Variants in NEU4 observed in about 807,000 individuals in gnomAD.
NEU4 encodes the protein neuraminidase 4.
In NEU4, 7 loss-of-function variants were observed where a neutral mutation model predicts 9.9. The observed-to-expected ratio is 0.71, with a 90% CI of 0.40 to 1.33. The LOEUF is 1.33. Ranked by LOEUF, NEU4 falls within the 40% of genes most tolerant of loss-of-function variation. NEU4 has a pLI of 0.01. For missense variants in NEU4, 717 were observed against 712.6 expected, an observed-to-expected ratio of 1.01 and a Z score of -0.07; for synonymous variants, 348 against 316.9, an observed-to-expected ratio of 1.10 and a Z score of -1.04.
chr2:241,815,190 C>A, intron 3 of NEU4, 43 bp downstream of exon 3: 1 of 1,498,194 alleles, frequency 6.7e-7, no homozygotes, highest in South Asian at 1.3e-5. Context: ...TGATTGGCCA[C>A]GGTCCACATG....
At chr2:241,813,163 G>A (rs1006052450) in intron 1 of NEU4, among the ~76,000 whole-genome samples, 17 of 152,328 alleles carry the variant, frequency 1.1e-4, no homozygotes, top group African/African-American at 3.8e-4. Flanking sequence ...AGGTGTCGGG[G>A]CAAGGCCTGC....
intron 1 of NEU4, chr2:241,810,809 TG>T (rs1700090473): frequency 6.8e-6 from 2 of 294,548 alleles, no homozygotes; most frequent in Non-Finnish European, 7.9e-6. Flanking sequence ...CCAGCGTGAA[TG>T]GGACTGGCAG....
At position 241,816,483 on chromosome 2, in the gene NEU4, C is replaced by T; in HGVS notation, c.890C>T (p.Ser297Leu). 1 of 1,609,788 alleles carries T rather than the reference C, an allele frequency of 6.2e-7. No homozygotes were observed. The highest frequency in any genetic ancestry group is 2.2e-5 in the East Asian group (1 of 44,768). ...AACAGGCCACGGGATGACAGTTGGT[C>T]AGTGGGCCCCGGGAGTCCCCTCCAG... Reference protein sequence around the residue: ...APNRPRDDSWSVGPGSPLQPP... With the variant: ...APNRPRDDSWLVGPGSPLQPP... The change falls in exon 4 of 4, where the codon TCA (serine) becomes TTA (leucine). Residue 297 changes from serine to leucine, a missense_variant. Ser to Leu is a moderately radical substitution (Grantham distance 145, BLOSUM62 -2). Coordinates refer to ENST00000407683, the MANE Select transcript of NEU4 (RefSeq NM_001167600.3).
chr2:241,811,170 G>T, intron 1 of NEU4: 1 of 1,228,016 alleles, frequency 8.1e-7, no homozygotes, highest in African/African-American at 1.6e-5. Flanking sequence ...GCCCTTGTTG[G>T]AGGGCGCACC....
At chr2:241,809,553 G>A (rs929028720) in intron 1 of NEU4, 2 of 334,006 alleles carry the variant, frequency 6.0e-6, no homozygotes, top group Non-Finnish European at 1.2e-5. Context: ...CTTCCCCCGG[G>A]TGGCTTTCAC....
In NEU4 at chr2:241,815,021, G is replaced by A. The variant is rs749246802; in HGVS notation, c.331G>A (p.Glu111Lys). Residue 111 changes from glutamate to lysine, a missense_variant, in exon 3 of 4, where the codon GAG (glutamate) becomes AAG (lysine). Physicochemically the swap from Glu to Lys is moderately conservative, Grantham distance 56 (BLOSUM62 1). Transcript: ENST00000407683. ...FFIAVLGHTP[E>K]AVQIATGRNA... ...CATCGCGGTGCTGGGCCACACGCCTGAGGCCGTGCAGATCGCCACGGGAAG... is the reference window on the plus strand; with the variant it reads ...CATCGCGGTGCTGGGCCACACGCCTAAGGCCGTGCAGATCGCCACGGGAAG... 6.9e-6 allele frequency: 11 copies of A among 1,603,312 alleles called. No homozygotes were observed. Among genetic ancestry groups the A allele is most frequent in the Admixed American group, 5.0e-5 (3 of 59,566 alleles).
chr2:241,813,610 AGAAT>A, intron 1 of NEU4: 1 of 1,091,656 alleles, frequency 9.2e-7, no homozygotes, highest in Non-Finnish European at 1.3e-6. Flanking sequence ...GCAAACTCCC[AGAAT>A]GGCCGCCGGG....
Position 241,814,681 on chromosome 2 carries a change from T to A in NEU4, c.197T>A (p.Val66Glu). 1 of 1,548,118 alleles carries A rather than the reference T, an allele frequency of 6.5e-7. No homozygotes were observed. The highest frequency in any genetic ancestry group is 8.7e-7 in the Non-Finnish European group (1 of 1,149,280). The change falls in exon 2 of 4, where the codon GTG becomes GAG. Residue 66 changes from valine (V) to glutamate (E), a missense_variant. By Grantham distance (121) the Val-to-Glu change is moderately radical (BLOSUM62 -2). Transcript: ENST00000407683. Reference protein sequence around the residue: ...LRRGTLAGGSVRWGALHVLGT... With the variant: ...LRRGTLAGGSERWGALHVLGT... Reference sequence around the variant, plus strand: ...AGGGGCACGCTGGCCGGGGGCTCCGTGCGGGTGAGTGAGTGGCCGGGGGCT... The same window carrying A: ...AGGGGCACGCTGGCCGGGGGCTCCGAGCGGGTGAGTGAGTGGCCGGGGGCT...
Position 241,815,914 on chromosome 2 carries a change from G to A in NEU4, c.458-137G>A, listed in dbSNP as rs376407157. 4.6e-5 allele frequency: 39 copies of A among 855,888 alleles called. No homozygotes were observed. The East Asian group carries it at 5.1e-4, about 11-fold the overall frequency. The allele number at this position is 855,888 out of a possible 1,614,324, so 53.0% of individuals were successfully genotyped here. ...GGACTCAGGGCGGCTGGGATGAGTC[G>A]TGTGGAAGGGCGGTCAGAGTGCGAT... On this transcript the variant is annotated intron_variant, in intron 3 of 3. Transcript: ENST00000407683.
intron 1 of NEU4, chr2:241,814,089 A>G (rs1414167747): frequency 7.7e-6 from 4 of 521,038 alleles, no homozygotes; most frequent in East Asian, 5.3e-5. Context: ...CATTGTCCAC[A>G]TGACCTCCTG....
chr2:241,813,449 C>T lies in NEU4; in HGVS notation c.-3-1033C>T, dbSNP rs114213403. On this transcript the variant is annotated intron_variant, in intron 1 of 3. Transcript: ENST00000407683. Reference sequence around the variant, plus strand: ...CTGCAGCTGTGCCACCTCCCTGTGCCGGGCTGTGCGTGCTCACGCTCGGCT... The same window carrying T: ...CTGCAGCTGTGCCACCTCCCTGTGCTGGGCTGTGCGTGCTCACGCTCGGCT... The T allele has an allele frequency of 1.0e-4, 120 of 1,144,152 alleles. 1 individual carries two copies. In the South Asian group the frequency reaches 1.3e-3, roughly 13 times the overall value. The allele number at this position is 1,144,152 out of a possible 1,614,324, so 70.9% of individuals were successfully genotyped here. A position where few individuals can be genotyped will look rare whatever the true frequency, so the allele number is the denominator to read the frequency against.
chr2:241,814,518 C>T lies in NEU4; in HGVS notation c.34C>T (p.Leu12Phe). 1 of 1,611,138 alleles carries T rather than the reference C, an allele frequency of 6.2e-7. No individual in the cohort carries two copies. The highest frequency in any genetic ancestry group is 8.5e-7 in the Non-Finnish European group (1 of 1,178,524). Residue 12 changes from leucine (L) to phenylalanine (F), a missense_variant, in exon 2 of 4, where the codon CTC (leucine) becomes TTC (phenylalanine). Leu to Phe is a conservative substitution (Grantham distance 22, BLOSUM62 0). Transcript: ENST00000407683. ...GVPRTPSRTV[L>F]FERERTGLTY... ...CCCTCGTACCCCTTCACGGACAGTG[C>T]TCTTCGAGCGGGAGAGGACGGGCCT...
chr2:241,816,244 C>A lies in NEU4; in HGVS notation c.651C>A (p.Asn217Lys), dbSNP rs1022463517. 6 of 1,610,192 alleles carry A rather than the reference C, an allele frequency of 3.7e-6. No individual in the cohort carries two copies. The East Asian group carries it at 6.7e-5, about 18-fold the overall frequency. ...GGCGCTGTGGAGGCCTCGTGCCCAA[C>A]CTGCGCTCAGGCGAGTGCCAGCTGG... The part of the protein sequence containing the change: ...RTWRCGGLVP[N>K]LRSGECQLAA... Residue 217 changes from asparagine (N) to lysine (K), a missense_variant, in exon 4 of 4, where the codon AAC (asparagine) becomes AAA (lysine). Asn to Lys is a moderately conservative substitution (Grantham distance 94, BLOSUM62 0). Coordinates refer to ENST00000407683, the MANE Select transcript of NEU4 (RefSeq NM_001167600.3).
chr2:241,811,543 T>C (rs1331013709), intron 1 of NEU4: 2 of 1,236,652 alleles, frequency 1.6e-6, no homozygotes, highest in African/African-American at 3.1e-5. Flanking sequence ...CTGAGGTATC[T>C]GTCCAGCTGG....
chr2:241,810,241 G>A (rs545334323), intron 1 of NEU4, among the ~76,000 whole-genome samples: 16 of 151,406 alleles, frequency 1.1e-4, no homozygotes, highest in Non-Finnish European at 1.8e-4. Context: ...CTCTGTCCCC[G>A]TGGGGTGAAA....
At chr2:241,811,524 G>A in intron 1 of NEU4, 3 of 1,391,472 alleles carry the variant, frequency 2.2e-6, no homozygotes, top group Non-Finnish European at 2.9e-6. Flanking sequence ...CCGGGGTCAG[G>A]ACCCGCTCCT....
Position 241,814,806 on chromosome 2 carries a change from C to CA in NEU4, c.202-85dup, listed in dbSNP as rs1465150968. 3 of 1,546,446 alleles carry CA rather than the reference C, an allele frequency of 1.9e-6. No individual in the cohort carries two copies. The Admixed American group carries it at 5.4e-5, about 28-fold the overall frequency. On this transcript the variant is annotated intron_variant, in intron 2 of 3. Coordinates refer to ENST00000407683, the MANE Select transcript of NEU4 (RefSeq NM_001167600.3). ...ATGCCCGAGGTAGAGATGAGCAAAC[C>CA]AGGCTCAGCGATCCTGGGTGCCCTG...
chr2:241,816,319 G>A lies in NEU4; in HGVS notation c.726G>A (p.Arg242=). ...QAGSFLYCNA[R]SPLGSRVQAL... The stretch of plus-strand genomic sequence containing the variant: ...GCAGCTTCCTCTACTGCAATGCCCG[G>A]AGCCCACTGGGCAGCCGTGTGCAGG... Residue 242 remains arginine (R), a synonymous_variant, in exon 4 of 4, where the codon CGG becomes CGA. Coordinates refer to ENST00000407683, the MANE Select transcript of NEU4 (RefSeq NM_001167600.3). 3 of 1,577,288 alleles carry A rather than the reference G, an allele frequency of 1.9e-6. No homozygotes were observed. Among genetic ancestry groups the A allele is most frequent in the Non-Finnish European group, 2.6e-6 (3 of 1,163,710 alleles).
intron 2 of NEU4, 30 bp from the exon 3 acceptor site, chr2:241,814,862 C>G (rs566685018): frequency 1.9e-6 from 3 of 1,590,978 alleles, no homozygotes; most frequent in South Asian, 1.1e-5. Flanking sequence ...CCTGGACGTC[C>G]TGGTCAGCGG....
Sources: allele counts gnomAD v4.1 joint callset (sites outside exome capture counted in the v4.1 genomes callset), GRCh38; gene constraint gnomAD v4.1.1; transcripts MANE v1.5; gene names NCBI Gene and HGNC (gene_info 2026-07-23, HGNC 2026-07-21).